GRIA1: variants seen among roughly 807,000 people sequenced by gnomAD.
GRIA1 encodes the protein glutamate receptor 1.
Under a neutral mutation model 99.2 loss-of-function variants are expected in GRIA1, and 31 were observed. The observed-to-expected ratio is 0.31, with a 90% CI of 0.23 to 0.42. GRIA1 has a LOEUF of 0.42. Among genes scored for constraint, GRIA1 ranks in the 10% least tolerant of loss-of-function variants. The pLI is 1.00. For synonymous variants in GRIA1, 438 were observed against 432.4 expected (o/e 1.01, Z -0.16); for missense variants, 782 against 1,157.5 (o/e 0.68, Z 4.71).
intron 2 of GRIA1, among the ~76,000 whole-genome samples, chr5:153,547,949 A>C (rs774712531): frequency 4.6e-5 from 7 of 152,216 alleles, no homozygotes; most frequent in Non-Finnish European, 5.9e-5. Flanking sequence ...AAGCCCCTTT[A>C]AAATATAAAC....
chr5:153,802,821 G>A (rs972684648), intron 15 of GRIA1, among the ~76,000 whole-genome samples: 1 of 152,198 alleles, frequency 6.6e-6, no homozygotes, highest in Non-Finnish European at 1.5e-5. Flanking sequence ...TCTCTCTGAA[G>A]TTTCATCAGA....
intron 2 of GRIA1, among the ~76,000 whole-genome samples, chr5:153,545,161 T>C (rs981406936): frequency 6.6e-6 from 1 of 152,164 alleles, no homozygotes; most frequent in African/African-American, 2.4e-5. Flanking sequence ...TCATGACAAG[T>C]AGTCAAACGG....
chr5:153,683,581 G>A (rs1172577472), intron 7 of GRIA1, among the ~76,000 whole-genome samples: 1 of 152,190 alleles, frequency 6.6e-6, no homozygotes, highest in Non-Finnish European at 1.5e-5. Flanking sequence ...AACTGTGCAG[G>A]TAGGACCCTT....
intron 2 of GRIA1, among the ~76,000 whole-genome samples, chr5:153,520,082 G>A (rs920332178): frequency 2.0e-5 from 3 of 152,124 alleles, no homozygotes; most frequent in African/African-American, 4.8e-5. Context: ...AGTGGGCCAG[G>A]CTCTTTGCTA....
intron 11 of GRIA1, among the ~76,000 whole-genome samples, chr5:153,762,838 A>T (rs903083605): frequency 2.0e-5 from 3 of 152,134 alleles, no homozygotes; most frequent in Non-Finnish European, 4.4e-5. Context: ...ACCTATCAAA[A>T]ATATCTTCCT....
At chr5:153,567,778 T>C (rs923430322) in intron 2 of GRIA1, among the ~76,000 whole-genome samples, 1 of 152,000 alleles carries the variant, frequency 6.6e-6, no homozygotes, top group African/African-American at 2.4e-5. Context: ...CTTGATGTGT[T>C]TGAGAATAGA....
chr5:153,751,708 C>T (rs1338144230), intron 11 of GRIA1, among the ~76,000 whole-genome samples: 1 of 152,244 alleles, frequency 6.6e-6, no homozygotes. Flanking sequence ...GAATCCTAAT[C>T]AATAACCAGA....
At chr5:153,558,319 A>G (rs558334221) in intron 2 of GRIA1, among the ~76,000 whole-genome samples, 5 of 152,306 alleles carry the variant, frequency 3.3e-5, no homozygotes, top group African/African-American at 1.2e-4. Context: ...TAGTCATTTA[A>G]CCACCATTAT....
At chr5:153,733,570 G>T (rs1474081848) in intron 11 of GRIA1, among the ~76,000 whole-genome samples, 4 of 152,122 alleles carry the variant, frequency 2.6e-5, no homozygotes, top group Admixed American at 2.6e-4. Flanking sequence ...TAGAGTGGCT[G>T]AATGAATAAA....
intron 2 of GRIA1, among the ~76,000 whole-genome samples, chr5:153,580,894 T>C (rs1009903737): frequency 2.0e-5 from 3 of 152,200 alleles, no homozygotes; most frequent in Admixed American, 2.0e-4. Context: ...TCTCTGACTT[T>C]GATGTTGCAC....
At chr5:153,578,696 C>T (rs777729345) in intron 2 of GRIA1, among the ~76,000 whole-genome samples, 29 of 152,160 alleles carry the variant, frequency 1.9e-4, no homozygotes, top group Non-Finnish European at 3.8e-4. Context: ...ATCACGAGGT[C>T]AGGAATTCGA....
intron 2 of GRIA1, among the ~76,000 whole-genome samples, chr5:153,526,250 C>G (rs1757584426): frequency 6.6e-6 from 1 of 152,178 alleles, no homozygotes; most frequent in Non-Finnish European, 1.5e-5. Context: ...ATTGGGAAAA[C>G]TTCTACACAA....
At chr5:153,684,631 C>T (rs891145896) in intron 7 of GRIA1, among the ~76,000 whole-genome samples, 1 of 152,162 alleles carries the variant, frequency 6.6e-6, no homozygotes, top group African/African-American at 2.4e-5. Flanking sequence ...ACATGGTACC[C>T]ACCAAACTAA....
At chr5:153,596,508 T>A (rs1324699379) in intron 2 of GRIA1, among the ~76,000 whole-genome samples, 1 of 152,152 alleles carries the variant, frequency 6.6e-6, no homozygotes, top group African/African-American at 2.4e-5. Flanking sequence ...ATTTTGCAGA[T>A]GGGGAAATGG....
At chr5:153,573,244 T>C (rs946800530) in intron 2 of GRIA1, 2 of 152,332 alleles carry the variant, frequency 1.3e-5, no homozygotes, top group Admixed American at 1.3e-4. Context: ...TATGTTGGGC[T>C]AGGGGCCTGC....
At chr5:153,569,709 T>C (rs1423806965) in intron 2 of GRIA1, among the ~76,000 whole-genome samples, 1 of 152,242 alleles carries the variant, frequency 6.6e-6, no homozygotes, top group Non-Finnish European at 1.5e-5. Context: ...TTTTTGTATA[T>C]GGTTTGGGTT....
chr5:153,742,982 C>T (rs574286218), intron 11 of GRIA1, among the ~76,000 whole-genome samples: 1 of 152,162 alleles, frequency 6.6e-6, no homozygotes, highest in African/African-American at 2.4e-5. Context: ...GCCTATCACA[C>T]CTTACTTTGT....
At chr5:153,527,260 C>T (rs985779167) in intron 2 of GRIA1, among the ~76,000 whole-genome samples, 3 of 152,120 alleles carry the variant, frequency 2.0e-5, no homozygotes, top group South Asian at 2.1e-4. Context: ...AATTGCAAAT[C>T]TTGAAATCTT....
intron 2 of GRIA1, among the ~76,000 whole-genome samples, chr5:153,503,649 C>T (rs1755217144): frequency 6.6e-6 from 1 of 152,114 alleles, no homozygotes; most frequent in African/African-American, 2.4e-5. Context: ...TATAGCTATG[C>T]TAAGTCTGAA....
Sources: gnomAD v4.1 joint callset for allele counts (sites outside exome capture counted in the v4.1 genomes callset) on GRCh38, gnomAD v4.1.1 for gene constraint, MANE v1.5 for transcripts, NCBI Gene and HGNC (gene_info 2026-07-23, HGNC 2026-07-21) for gene names.